EPS8L1: variants seen among roughly 807,000 people sequenced by gnomAD.
EPS8L1 encodes the protein epidermal growth factor receptor kinase substrate 8-like protein 1.
Under a neutral mutation model 91.7 loss-of-function variants are expected in EPS8L1, and 101 were observed. That is an observed-to-expected ratio of 1.10 (90% CI 0.94 to 1.30). EPS8L1 has a LOEUF of 1.30. Ranked by LOEUF, EPS8L1 falls within the 50% of genes most tolerant of loss-of-function variation. EPS8L1 has a pLI of 0.00. For synonymous variants in EPS8L1, 506 were observed against 445.3 expected (o/e 1.14, Z -1.72); for missense variants, 1,114 against 1,017.0 (o/e 1.10, Z -1.30).
At position 55,081,126 on chromosome 19, in the gene EPS8L1, C is replaced by T. The variant is rs1393685441; in HGVS notation, c.513-105C>T. Reference sequence around the variant, plus strand: ...CCCTACCTCGTTGAACTTGTTCACTCCCTTTGAGCCTTTTGAGCCTGTGTG... The same window carrying T: ...CCCTACCTCGTTGAACTTGTTCACTTCCTTTGAGCCTTTTGAGCCTGTGTG... On this transcript the variant is annotated intron_variant, in intron 7 of 19. Coordinates refer to ENST00000201647, the MANE Select transcript of EPS8L1 (RefSeq NM_133180.3). This position sits in a 1 kb window ranked among gnomAD's most constrained non-coding sequence, Gnocchi z 4.9. 5.2e-6 allele frequency: 7 copies of T among 1,351,146 alleles called. No individual in the cohort carries two copies. The highest frequency in any genetic ancestry group is 3.0e-5 in the African/African-American group (2 of 67,764). The allele number at this position is 1,351,146 out of a possible 1,614,324, so 83.7% of individuals were successfully genotyped here. A position where few individuals can be genotyped will look rare whatever the true frequency, so the allele number is the denominator to read the frequency against.
In EPS8L1 at chr19:55,085,853, G is replaced by A; in HGVS notation, c.1398G>A (p.Leu466=). The A allele has an allele frequency of 6.2e-7, 1 of 1,612,940 alleles. No homozygotes were observed. The highest frequency in any genetic ancestry group is 1.1e-5 in the South Asian group (1 of 91,012). ...PQVAVNGHRD[L]EPESEPQLES... ...CGCTTCTCCTCAGTCACCGAGACTTGGAGCCAGAATCTGAGCCTCAGCTGG... is the reference window on the plus strand; with the variant it reads ...CGCTTCTCCTCAGTCACCGAGACTTAGAGCCAGAATCTGAGCCTCAGCTGG... The change falls in exon 15 of 20, where the codon TTG becomes TTA. Residue 466 remains leucine, a synonymous_variant. Transcript: ENST00000201647.
chr19:55,087,184 GC>G, intron 18 of EPS8L1, 118 bp from the exon 19 acceptor site: 2 of 1,422,540 alleles, frequency 1.4e-6, no homozygotes, highest in African/African-American at 1.4e-5. Context: ...TGTCGGGCCT[GC>G]CCCCGCTAGA....
rs1173847349 is a variant in EPS8L1, at chr19:55,087,381, C to T, written c.2031C>T (p.Pro677=). ...AGGAGGAGCTGCGGGCGGTGAGCCC[C>T]GAGGAGGGGGCACGTGTGTACAGCC... is the stretch of plus-strand genomic sequence containing the variant. ...LQKEELRAVS[P]EEGARVYSQV... The change falls in exon 19 of 20, where the codon CCC becomes CCT. Residue 677 remains proline (P), a synonymous_variant. Coordinates refer to ENST00000201647, the MANE Select transcript of EPS8L1 (RefSeq NM_133180.3). The T allele has an allele frequency of 6.2e-7, 1 of 1,613,154 alleles. No individual in the cohort carries two copies. The highest frequency in any genetic ancestry group is 8.5e-7 in the Non-Finnish European group (1 of 1,179,632).
At chr19:55,077,222 C>T (rs1313528067) in intron 2 of EPS8L1, among the ~76,000 whole-genome samples, 1 of 152,162 alleles carries the variant, frequency 6.6e-6, no homozygotes, top group Non-Finnish European at 1.5e-5. Context: ...GCACCTGGCC[C>T]ATGGGAGTGG....
rs2076199722 is a variant in EPS8L1, at chr19:55,079,128, G to A, written c.117+71G>A. 3.9e-6 allele frequency: 6 copies of A among 1,521,334 alleles called. No homozygotes were observed. The South Asian group carries it at 6.7e-5, about 17-fold the overall frequency. 94.2% of individuals were successfully genotyped at this position (1,521,334 alleles called of 1,614,324 possible). On this transcript the variant is annotated intron_variant, in intron 4 of 19. Transcript: ENST00000201647. ...GGTGGCCTCAGGAGATAGGGCTTTT[G>A]AAAGCAGCTAGGCCCCCAAGCAGGA...
In EPS8L1 at chr19:55,087,388, G is replaced by T; in HGVS notation, c.2038G>T (p.Gly680Trp). 2 of 1,613,542 alleles carry T rather than the reference G, an allele frequency of 1.2e-6. No individual in the cohort carries two copies. The highest frequency in any genetic ancestry group is 1.7e-6 in the Non-Finnish European group (2 of 1,179,670). Residue 680 changes from glycine to tryptophan, a missense_variant, in exon 19 of 20, where the codon GGG becomes TGG. Gly to Trp is a radical substitution (Grantham distance 184). Coordinates refer to ENST00000201647, the MANE Select transcript of EPS8L1 (RefSeq NM_133180.3). ...GCTGCGGGCGGTGAGCCCCGAGGAG[G>T]GGGCACGTGTGTACAGCCAGGTCAC... ...EELRAVSPEE[G>W]ARVYSQVTVQ...
Position 55,081,707 on chromosome 19 carries a change from C to G in EPS8L1, c.775-66C>G. Reference sequence around the variant, plus strand: ...GGGGAAGTGTATAGGTGCTCAGGTTCAGGGCTTCGACGGGGATGGTTTTGG... The same window carrying G: ...GGGGAAGTGTATAGGTGCTCAGGTTGAGGGCTTCGACGGGGATGGTTTTGG... On this transcript the variant is annotated intron_variant, in intron 8 of 19. Coordinates refer to ENST00000201647, the MANE Select transcript of EPS8L1 (RefSeq NM_133180.3). This position sits in a 1 kb window ranked among gnomAD's most constrained non-coding sequence, Gnocchi z 4.9. 2.6e-6 allele frequency: 4 copies of G among 1,550,254 alleles called. No homozygotes were observed. The highest frequency in any genetic ancestry group is 1.2e-5 in the South Asian group (1 of 82,026).
intron 6 of EPS8L1, 62 bp from the exon 7 acceptor site, chr19:55,080,710 C>CT (rs1436033999): frequency 1.3e-6 from 2 of 1,583,596 alleles, no homozygotes; most frequent in African/African-American, 2.7e-5. Context: ...CGGCCAGGGG[C>CT]GAGGCCCGGG....
chr19:55,076,319 G>C, intron 1 of EPS8L1, 89 bp from the exon 2 acceptor site: 1 of 1,190,878 alleles, frequency 8.4e-7, no homozygotes, highest in Non-Finnish European at 1.2e-6. Flanking sequence ...GGAGGGGCTG[G>C]GGCCTGGATG....
Position 55,082,128 on chromosome 19 carries a change from A to G in EPS8L1, c.938A>G (p.Glu313Gly), listed in dbSNP as rs1262903857. 6.2e-7 allele frequency: 1 copy of G among 1,603,228 alleles called. No individual in the cohort carries two copies. Among genetic ancestry groups the G allele is most frequent in the Non-Finnish European group, 8.5e-7 (1 of 1,175,514 alleles). ...ACGCTGCGGGCCAAGCCGCCCTCGGAGGCCGAGTACACCGACGTGCTGCAG... is the reference window on the plus strand; with the variant it reads ...ACGCTGCGGGCCAAGCCGCCCTCGGGGGCCGAGTACACCGACGTGCTGCAG... ...LLTLRAKPPSEAEYTDVLQKI... is the reference protein window; with the variant it reads ...LLTLRAKPPSGAEYTDVLQKI... Residue 313 changes from glutamate to glycine, a missense_variant, in exon 10 of 20, where the codon GAG becomes GGG. Transcript: ENST00000201647.
In EPS8L1 at chr19:55,081,219, C is replaced by G; in HGVS notation, c.513-12C>G. 6.7e-7 allele frequency: 1 copy of G among 1,496,786 alleles called. No individual in the cohort carries two copies. The highest frequency in any genetic ancestry group is 8.8e-7 in the Non-Finnish European group (1 of 1,133,084). 92.7% of individuals were successfully genotyped at this position (1,496,786 alleles called of 1,614,324 possible). A position where few individuals can be genotyped will look rare whatever the true frequency, so the allele number is the denominator to read the frequency against. ...GTGGACCCAGTCTTGGTGTCCCCGT[C>G]GCCCTCCGCAGGGCCACGCAGGAGG... On this transcript the variant is annotated splice_polypyrimidine_tract_variant and intron_variant, in intron 7 of 19. Coordinates refer to ENST00000201647, the MANE Select transcript of EPS8L1 (RefSeq NM_133180.3). The surrounding 1 kb of genome is among the most constrained non-coding windows in gnomAD (Gnocchi z 4.9).
chr19:55,087,255 G>A, intron 18 of EPS8L1, 48 bp from the exon 19 acceptor site: 2 of 1,551,116 alleles, frequency 1.3e-6, no homozygotes, highest in South Asian at 2.3e-5. Flanking sequence ...TGTCCGGGCT[G>A]GGGCATCCGC....
chr19:55,080,633 C>T, intron 6 of EPS8L1, 139 bp from the exon 7 acceptor site: 7 of 1,554,516 alleles, frequency 4.5e-6, no homozygotes, highest in Non-Finnish European at 6.1e-6. Context: ...GAGTTCGGGG[C>T]GTGGACGTGC....
chr19:55,086,357 C>T (rs1020839905), intron 16 of EPS8L1, 35 bp from the exon 17 acceptor site: 4 of 1,598,604 alleles, frequency 2.5e-6, no homozygotes, highest in Non-Finnish European at 3.4e-6. Flanking sequence ...TGAGTCCTCT[C>T]CCTAACCCAG....
In EPS8L1 at chr19:55,081,003, T is replaced by C; in HGVS notation, c.512+149T>C. The C allele has an allele frequency of 4.4e-6, 4 of 899,954 alleles. No individual in the cohort carries two copies. Among genetic ancestry groups the C allele is most frequent in the Middle Eastern group, 2.2e-4 (1 of 4,492 alleles). The allele number at this position is 899,954 out of a possible 1,614,324, so 55.7% of individuals were successfully genotyped here. On this transcript the variant is annotated intron_variant, in intron 7 of 19. Transcript: ENST00000201647. This position sits in a 1 kb window ranked among gnomAD's most constrained non-coding sequence, Gnocchi z 4.9. ...TCTTGTCTGTACCTCCCAGACGAGC[T>C]GACCCCTTCTCCAGAACTCTGCTTC... is the stretch of plus-strand genomic sequence containing the variant.
In EPS8L1 at chr19:55,085,826, C is replaced by T; in HGVS notation, c.1386-15C>T. On this transcript the variant is annotated splice_polypyrimidine_tract_variant and intron_variant, in intron 14 of 19. Transcript: ENST00000201647. Reference sequence around the variant, plus strand: ...TGGCTGCCTCCTTATCTCCAACCCTCCCGCTTCTCCTCAGTCACCGAGACT... The same window carrying T: ...TGGCTGCCTCCTTATCTCCAACCCTTCCGCTTCTCCTCAGTCACCGAGACT... The T allele has an allele frequency of 1.2e-6, 2 of 1,608,368 alleles. No individual in the cohort carries two copies. Among genetic ancestry groups the T allele is most frequent in the East Asian group, 2.2e-5 (1 of 44,720 alleles).
At chr19:55,076,821 A>T (rs2147121433) in intron 2 of EPS8L1, among the ~76,000 whole-genome samples, 1 of 152,386 alleles carries the variant, frequency 6.6e-6, no homozygotes, top group Middle Eastern at 3.4e-3. Context: ...CCTCACTGAC[A>T]GCAGGTGCTC....
chr19:55,085,930 G>C lies in EPS8L1; in HGVS notation c.1475G>C (p.Arg492Pro). The C allele has an allele frequency of 6.2e-7, 1 of 1,613,658 alleles. No individual in the cohort carries two copies. The change falls in exon 15 of 20, where the codon CGC (arginine) becomes CCC (proline). Residue 492 changes from arginine to proline, a missense_variant. Arg to Pro is a moderately radical substitution (Grantham distance 103, BLOSUM62 -2). Coordinates refer to ENST00000201647, the MANE Select transcript of EPS8L1 (RefSeq NM_133180.3). The part of the protein sequence containing the change: ...WVLCNYDFQA[R>P]NSSELSVKQR... ...CTGTGTAATTATGACTTCCAGGCCC[G>C]CAACAGCAGTGAGCTGTCGGTCAAG...
Position 55,086,188 on chromosome 19 carries a change from G to A in EPS8L1, c.1646G>A (p.Ser549Asn), listed in dbSNP as rs764068443. Residue 549 changes from serine to asparagine, a missense_variant, in exon 16 of 20, where the codon AGC becomes AAC. Physicochemically the swap from Ser to Asn is conservative, Grantham distance 46. Transcript: ENST00000201647. ...RLHHSQSPAR[S>N]LNSTPPPPPA... is the part of the protein sequence containing the mutation. ...CACCACAGCCAAAGCCCTGCCCGCAGCCTGGTGAGCCAGCGCAGACGCTGG... is the reference window on the plus strand; with the variant it reads ...CACCACAGCCAAAGCCCTGCCCGCAACCTGGTGAGCCAGCGCAGACGCTGG... 18 of 1,594,616 alleles carry A rather than the reference G, an allele frequency of 1.1e-5. No individual in the cohort carries two copies. In the East Asian group the frequency reaches 2.7e-4, roughly 24 times the overall value.
Sources: allele counts gnomAD v4.1 joint callset (sites outside exome capture counted in the v4.1 genomes callset), GRCh38; gene constraint gnomAD v4.1.1; non-coding constraint Gnocchi (gnomAD v3.1); transcripts MANE v1.5; gene names NCBI Gene and HGNC (gene_info 2026-07-23, HGNC 2026-07-21).